KCNH8: variants seen among roughly 807,000 people sequenced by gnomAD.
KCNH8 encodes voltage-gated delayed rectifier potassium channel KCNH8.
In KCNH8, 70 loss-of-function variants were observed where a neutral mutation model predicts 103.6. That is an observed-to-expected ratio of 0.68 (90% CI 0.56 to 0.82). The LOEUF is 0.82. KCNH8 is among the 40% of genes least tolerant of loss of function. The pLI, the probability that KCNH8 is intolerant of heterozygous loss-of-function variation, is 0.00. For synonymous variants in KCNH8, 498 were observed against 489.4 expected, an observed-to-expected ratio of 1.02 and a Z score of -0.23; for missense variants, 1,217 against 1,329.9, an observed-to-expected ratio of 0.92 and a Z score of 1.32.
chr3:19,449,286 A>T (rs1240657314), intron 8 of KCNH8, among the ~76,000 whole-genome samples: 1 of 110,574 alleles, frequency 9.0e-6, no homozygotes, highest in Non-Finnish European at 1.8e-5. Flanking sequence ...TTGAAACAAG[A>T]GTCCCATATA....
At chr3:19,301,796 A>G (rs761423260) in intron 3 of KCNH8, among the ~76,000 whole-genome samples, 21 of 152,234 alleles carry the variant, frequency 1.4e-4, no homozygotes, top group Non-Finnish European at 2.6e-4. Context: ...TGGAGTTACT[A>G]CAACTACTCC....
intron 5 of KCNH8, among the ~76,000 whole-genome samples, chr3:19,363,687 C>A (rs560343173): frequency 6.6e-6 from 1 of 152,106 alleles, no homozygotes; most frequent in Non-Finnish European, 1.5e-5. Flanking sequence ...ATGCTTGTTA[C>A]ACTAGTAGCC....
At chr3:19,427,063 T>C (rs949404780) in intron 7 of KCNH8, among the ~76,000 whole-genome samples, 6 of 151,964 alleles carry the variant, frequency 3.9e-5, no homozygotes, top group Non-Finnish European at 8.8e-5. Flanking sequence ...AACAGAAACA[T>C]AAAAATTAAT....
chr3:19,272,433 C>T (rs959259485), intron 2 of KCNH8, among the ~76,000 whole-genome samples: 1 of 152,104 alleles, frequency 6.6e-6, no homozygotes, highest in African/African-American at 2.4e-5. Context: ...CTCTGAAACG[C>T]ATCACCGGAT....
At chr3:19,395,459 A>G (rs2066502278) in intron 7 of KCNH8, 148 bp downstream of exon 7, 1 of 576,314 alleles carries the variant, frequency 1.7e-6, no homozygotes, top group Non-Finnish European at 3.0e-6. Context: ...AATCCATGAC[A>G]CAAGTAATTT....
At chr3:19,162,721 G>A (rs1004984373) in intron 1 of KCNH8, among the ~76,000 whole-genome samples, 1 of 151,864 alleles carries the variant, frequency 6.6e-6, no homozygotes, top group African/African-American at 2.4e-5. Context: ...CTCTAAATCT[G>A]GAACAACATT....
chr3:19,185,811 G>C lies in KCNH8; in HGVS notation c.76+37016G>C, dbSNP rs547809943. ...TACTGGTAATTCTGTCAAAGCAATG[G>C]TCTTATATTTACTTTCCACATTTAT... On this transcript the variant is annotated intron_variant, in intron 1 of 15. Coordinates refer to ENST00000328405, the MANE Select transcript of KCNH8 (RefSeq NM_144633.3). Among the ~76,000 whole-genome samples, 4 of 151,944 alleles carry C rather than the reference G, an allele frequency of 2.6e-5. No homozygotes were observed. The South Asian group carries it at 8.3e-4, about 32-fold the overall frequency.
intron 5 of KCNH8, among the ~76,000 whole-genome samples, chr3:19,375,794 T>C (rs965032089): frequency 6.6e-5 from 10 of 152,072 alleles, no homozygotes; most frequent in African/African-American, 2.2e-4. Flanking sequence ...GGTGTGGATG[T>C]CCTTTCTGTT....
chr3:19,310,010 G>A (rs2065188755), intron 3 of KCNH8, among the ~76,000 whole-genome samples: 1 of 151,852 alleles, frequency 6.6e-6, no homozygotes, highest in Non-Finnish European at 1.5e-5. Context: ...CTCCTGGGAG[G>A]AAAAGAAATA....
At chr3:19,244,802 A>G (rs2064183726) in intron 1 of KCNH8, among the ~76,000 whole-genome samples, 1 of 151,370 alleles carries the variant, frequency 6.6e-6, no homozygotes. Flanking sequence ...TCCTTTGCCC[A>G]TTTGTAATAG....
intron 7 of KCNH8, among the ~76,000 whole-genome samples, chr3:19,434,119 C>G (rs1367836918): frequency 1.3e-5 from 2 of 152,056 alleles, no homozygotes; most frequent in Non-Finnish European, 2.9e-5. Context: ...TTGTGTAAAT[C>G]TAAACTTATC....
intron 15 of KCNH8, among the ~76,000 whole-genome samples, chr3:19,519,543 C>T (rs999402877): frequency 6.7e-6 from 1 of 150,196 alleles, no homozygotes; most frequent in Admixed American, 6.7e-5. Context: ...GCCGAAGGAC[C>T]GACTAACAAG....
chr3:19,502,203 T>C (rs2125234482), intron 11 of KCNH8, among the ~76,000 whole-genome samples: 1 of 150,884 alleles, frequency 6.6e-6, no homozygotes, highest in Non-Finnish European at 1.5e-5. Flanking sequence ...TACCTAGGAA[T>C]CCAACTTACA....
At chr3:19,439,760 A>T (rs1467833113) in intron 8 of KCNH8, among the ~76,000 whole-genome samples, 1 of 152,216 alleles carries the variant, frequency 6.6e-6, no homozygotes, top group Non-Finnish European at 1.5e-5. Context: ...GAGGTTAAAG[A>T]TAAGCTAAAA....
At chr3:19,518,274 G>C (rs190583403) in intron 15 of KCNH8, among the ~76,000 whole-genome samples, 200 bp downstream of exon 15, 8 of 152,162 alleles carry the variant, frequency 5.3e-5, no homozygotes, top group Non-Finnish European at 1.2e-4. Context: ...ACTTCCCCAT[G>C]TGTAAGAAGG....
At chr3:19,387,211 TA>T (rs960126890) in intron 5 of KCNH8, among the ~76,000 whole-genome samples, 23 of 152,272 alleles carry the variant, frequency 1.5e-4, no homozygotes, top group African/African-American at 5.3e-4. Context: ...AATATTATTT[TA>T]CCTGGGTACT....
chr3:19,398,755 A>G (rs1296354914), intron 7 of KCNH8, among the ~76,000 whole-genome samples: 1 of 152,016 alleles, frequency 6.6e-6, no homozygotes, highest in Non-Finnish European at 1.5e-5. Flanking sequence ...TTATATTGGT[A>G]TGTAGTAACT....
intron 1 of KCNH8, among the ~76,000 whole-genome samples, chr3:19,240,971 T>C (rs1049066955): frequency 3.3e-5 from 5 of 152,198 alleles, no homozygotes; most frequent in South Asian, 4.1e-4. Flanking sequence ...ACTGTCATGA[T>C]AACCCTCTAC....
At chr3:19,511,474 T>C (rs1159838870) in intron 12 of KCNH8, among the ~76,000 whole-genome samples, 1 of 152,170 alleles carries the variant, frequency 6.6e-6, no homozygotes, top group East Asian at 1.9e-4. Context: ...GTAAACAGAA[T>C]TCTAATTAGA....
Sources: allele counts gnomAD v4.1 joint callset (sites outside exome capture counted in the v4.1 genomes callset), GRCh38; gene constraint gnomAD v4.1.1; transcripts MANE v1.5; gene names NCBI Gene and HGNC (gene_info 2026-07-23, HGNC 2026-07-21).